The following SLC9A9 variants were observed in gnomAD, a reference collection of about 807,000 sequenced individuals.
SLC9A9 encodes the protein solute carrier family 9 member A9.
A neutral mutation model predicts 77.8 loss-of-function variants in SLC9A9; 62 were observed. The ratio of observed to expected loss-of-function variants is 0.80; its 90% CI spans 0.65 to 0.98. The LOEUF (loss-of-function observed/expected upper bound fraction) is 0.98. Ranked by LOEUF, SLC9A9 falls within the 50% of genes least tolerant of loss-of-function variation. The pLI is 0.00. For synonymous variants in SLC9A9, 320 were observed against 283.5 expected, an observed-to-expected ratio of 1.13 and a Z score of -1.29; for missense variants, 775 against 774.9, an observed-to-expected ratio of 1.00 and a Z score of 0.00.
At chr3:143,734,761 G>GACTCTTCT (rs1323461798) in intron 4 of SLC9A9, among the ~76,000 whole-genome samples, 1 of 149,846 alleles carries the variant, frequency 6.7e-6, no homozygotes, top group Non-Finnish European at 1.5e-5. Context: ...AAGATACGTA[G>GACTCTTCT]ACTCTTCTAC....
chr3:143,427,551 G>A (rs1237147639), intron 12 of SLC9A9, among the ~76,000 whole-genome samples: 4 of 152,156 alleles, frequency 2.6e-5, no homozygotes, highest in African/African-American at 9.7e-5. Flanking sequence ...ACAAGGACAA[G>A]CATTATATGC....
chr3:143,715,284 G>A (rs1378247137), intron 4 of SLC9A9, among the ~76,000 whole-genome samples: 1 of 152,152 alleles, frequency 6.6e-6, no homozygotes, highest in African/African-American at 2.4e-5. Context: ...AGGTGGTCCT[G>A]TCCACACAGC....
chr3:143,404,794 C>T (rs2033942036), intron 12 of SLC9A9, among the ~76,000 whole-genome samples: 1 of 152,204 alleles, frequency 6.6e-6, no homozygotes, highest in Admixed American at 6.5e-5. Flanking sequence ...CTTGCCTAGA[C>T]AAATTGTTGG....
At chr3:143,354,127 C>A (rs565365262) in intron 14 of SLC9A9, among the ~76,000 whole-genome samples, 5 of 152,308 alleles carry the variant, frequency 3.3e-5, no homozygotes, top group South Asian at 2.1e-4. Flanking sequence ...CAGGCTCTCT[C>A]GCATCTATTC....
chr3:143,807,778 T>C (rs1000157685), intron 2 of SLC9A9, among the ~76,000 whole-genome samples: 1 of 151,996 alleles, frequency 6.6e-6, no homozygotes, highest in Admixed American at 6.6e-5. Context: ...AGGCAACAGC[T>C]GTGTGTGTTC....
chr3:143,408,273 C>A (rs1226724698), intron 12 of SLC9A9, among the ~76,000 whole-genome samples: 1 of 152,180 alleles, frequency 6.6e-6, no homozygotes, highest in African/African-American at 2.4e-5. Context: ...GCATTTCTAA[C>A]AAACTCTTAG....
At chr3:143,617,951 A>G (rs1385378528) in intron 6 of SLC9A9, among the ~76,000 whole-genome samples, 1 of 151,602 alleles carries the variant, frequency 6.6e-6, no homozygotes, top group Non-Finnish European at 1.5e-5. Flanking sequence ...TAAAGAATGG[A>G]CTACAGGAGA....
At chr3:143,361,098 C>T (rs367962382) in intron 14 of SLC9A9, among the ~76,000 whole-genome samples, 4 of 152,308 alleles carry the variant, frequency 2.6e-5, no homozygotes, top group South Asian at 2.1e-4. Flanking sequence ...TGCCAGCCCC[C>T]ACAACTGCAT....
chr3:143,415,420 A>T (rs2034174315), intron 12 of SLC9A9, among the ~76,000 whole-genome samples: 1 of 152,230 alleles, frequency 6.6e-6, no homozygotes, highest in Non-Finnish European at 1.5e-5. Flanking sequence ...TAATGCAGCC[A>T]GTGTCTTTAA....
chr3:143,606,202 C>A (rs1345555843), intron 6 of SLC9A9, among the ~76,000 whole-genome samples: 1 of 151,838 alleles, frequency 6.6e-6, no homozygotes, highest in Admixed American at 6.6e-5. Flanking sequence ...GTCAGGAGTT[C>A]GATACCAGCC....
intron 13 of SLC9A9, among the ~76,000 whole-genome samples, chr3:143,366,004 T>C (rs1273963271): frequency 6.6e-6 from 1 of 152,214 alleles, no homozygotes; most frequent in African/African-American, 2.4e-5. Context: ...TTTTTGATAG[T>C]GGATAATATC....
chr3:143,432,665 G>T (rs2034542806), intron 12 of SLC9A9, among the ~76,000 whole-genome samples: 1 of 152,122 alleles, frequency 6.6e-6, no homozygotes, highest in Non-Finnish European at 1.5e-5. Context: ...GTCTCATTCT[G>T]TTGCCAGGCT....
intron 12 of SLC9A9, among the ~76,000 whole-genome samples, chr3:143,418,590 G>A (rs1012266348): frequency 6.6e-6 from 1 of 152,148 alleles, no homozygotes; most frequent in Non-Finnish European, 1.5e-5. Flanking sequence ...GTATTCTTAA[G>A]TCAGTGTGAA....
At chr3:143,478,089 TG>T (rs1405424745) in intron 11 of SLC9A9, among the ~76,000 whole-genome samples, 1 of 152,230 alleles carries the variant, frequency 6.6e-6, no homozygotes, top group Non-Finnish European at 1.5e-5. Flanking sequence ...GTGATGTTTT[TG>T]ACTCTCCAGT....
intron 4 of SLC9A9, chr3:143,698,160 A>T (rs1933695610): frequency 6.5e-6 from 1 of 153,666 alleles, no homozygotes; most frequent in Non-Finnish European, 1.5e-5. Flanking sequence ...GATGGACGAG[A>T]GATTCTGGTG....
intron 4 of SLC9A9, among the ~76,000 whole-genome samples, chr3:143,772,795 G>A (rs1370790360): frequency 1.3e-5 from 2 of 152,182 alleles, no homozygotes; most frequent in African/African-American, 4.8e-5. Context: ...AGTCCCACCT[G>A]GATGATGCCA....
chr3:143,638,277 C>A (rs1360018441), intron 6 of SLC9A9, among the ~76,000 whole-genome samples: 3 of 152,214 alleles, frequency 2.0e-5, no homozygotes, highest in Admixed American at 2.0e-4. Context: ...AACTGCCATT[C>A]TGAAAATAAG....
intron 12 of SLC9A9, among the ~76,000 whole-genome samples, chr3:143,397,151 C>G (rs2033749556): frequency 6.6e-6 from 1 of 152,152 alleles, no homozygotes; most frequent in South Asian, 2.1e-4. Flanking sequence ...AGACTGATTT[C>G]TTTTGACCTA....
intron 14 of SLC9A9, among the ~76,000 whole-genome samples, chr3:143,276,351 A>G (rs1330514092): frequency 6.6e-6 from 1 of 152,132 alleles, no homozygotes; most frequent in Non-Finnish European, 1.5e-5. Flanking sequence ...CCTGCTGCAT[A>G]TACTTGTGGT....
Sources: allele counts gnomAD v4.1 joint callset (sites outside exome capture counted in the v4.1 genomes callset), GRCh38; gene constraint gnomAD v4.1.1; transcripts MANE v1.5; gene names NCBI Gene and HGNC (gene_info 2026-07-23, HGNC 2026-07-21).